The following SPATS2 variants were observed in gnomAD, a reference collection of about 807,000 sequenced individuals.
SPATS2 encodes the protein spermatogenesis associated serine rich 2, also known as spermatogenesis-associated serine-rich protein 2.
In SPATS2, 38 loss-of-function variants were observed where a neutral mutation model predicts 63.7. The observed-to-expected ratio is 0.60, with a 90% confidence interval of 0.46 to 0.78. The LOEUF (loss-of-function observed/expected upper bound fraction) is 0.78. Ranked by LOEUF, SPATS2 falls within the 30% of genes least tolerant of loss-of-function variation. The pLI, the probability that SPATS2 is intolerant of heterozygous loss-of-function variation, is 0.00. For synonymous variants in SPATS2, 207 were observed against 232.9 expected, an observed-to-expected ratio of 0.89 and a Z score of 1.01; for missense variants, 588 against 666.2, an observed-to-expected ratio of 0.88 and a Z score of 1.29.
chr12:49,438,234 C>T (rs11169015), intron 2 of SPATS2, among the ~76,000 whole-genome samples: 44,895 of 152,054 alleles, frequency 0.3, 8,977 homozygotes, highest in African/African-American at 0.57. Flanking sequence ...GGTCTGACTT[C>T]TTTGTTTAAC....
chr12:49,411,218 ATTG>A (rs745692810), intron 2 of SPATS2, among the ~76,000 whole-genome samples: 6 of 152,128 alleles, frequency 3.9e-5, no homozygotes, highest in Non-Finnish European at 8.8e-5. Context: ...AGAAAAGTTT[ATTG>A]TTGTTAGCAT....
intron 8 of SPATS2, among the ~76,000 whole-genome samples, chr12:49,498,452 A>C (rs1449082611): frequency 9.2e-5 from 14 of 152,134 alleles, no homozygotes; most frequent in Admixed American, 9.2e-4. Flanking sequence ...TTTGAAGTGT[A>C]CTATACAGAC....
intron 2 of SPATS2, among the ~76,000 whole-genome samples, chr12:49,377,444 A>G (rs1294330782): frequency 1.3e-5 from 2 of 152,206 alleles, no homozygotes; most frequent in Non-Finnish European, 2.9e-5. Context: ...GTTACCTGAA[A>G]TCTTAACATT....
At chr12:49,499,987 G>A (rs2137944003) in intron 8 of SPATS2, 83 bp from the exon 9 acceptor site, 1 of 1,075,824 alleles carries the variant, frequency 9.3e-7, no homozygotes, top group South Asian at 3.6e-5. Context: ...ATGACATTTG[G>A]CTTTGGTGTT....
chr12:49,424,207 C>G (rs1232960338), intron 2 of SPATS2, among the ~76,000 whole-genome samples: 1 of 151,824 alleles, frequency 6.6e-6, no homozygotes, highest in Non-Finnish European at 1.5e-5. Flanking sequence ...TGTCTCAAAA[C>G]AAACAAACAA....
upstream of SPATS2, chr12:49,367,345 G>T: frequency 2.6e-6 from 1 of 390,748 alleles, no homozygotes; most frequent in East Asian, 3.6e-5. Context: ...GCGAGGGTCG[G>T]GGTGATCTGC....
At chr12:49,428,629 A>G (rs1277639757) in intron 2 of SPATS2, among the ~76,000 whole-genome samples, 5 of 152,236 alleles carry the variant, frequency 3.3e-5, no homozygotes, top group Non-Finnish European at 7.3e-5. Flanking sequence ...AAGTCTGAAT[A>G]ATATTCCATC....
intron 2 of SPATS2, among the ~76,000 whole-genome samples, chr12:49,422,202 T>C (rs547479731): frequency 1.6e-4 from 25 of 152,334 alleles, no homozygotes; most frequent in African/African-American, 5.5e-4. Flanking sequence ...TGTAGTTTCA[T>C]GGAGCTAGGT....
At chr12:49,514,251 T>C (rs1946802841) in intron 9 of SPATS2, among the ~76,000 whole-genome samples, 1 of 152,248 alleles carries the variant, frequency 6.6e-6, no homozygotes. Context: ...AAATGTGTTT[T>C]GTAGCTTGCT....
intron 2 of SPATS2, among the ~76,000 whole-genome samples, chr12:49,410,221 G>C (rs562068385): frequency 6.6e-5 from 10 of 152,074 alleles, no homozygotes; most frequent in Admixed American, 6.5e-4. Context: ...GATTATAGGT[G>C]TGTGCCACCA....
intron 2 of SPATS2, among the ~76,000 whole-genome samples, chr12:49,412,971 G>A (rs1316357595): frequency 6.6e-6 from 1 of 152,052 alleles, no homozygotes; most frequent in African/African-American, 2.4e-5. Context: ...TAAGCATAAA[G>A]CTAGTATTTG....
intron 2 of SPATS2, among the ~76,000 whole-genome samples, chr12:49,419,585 CT>C (rs1230344633): frequency 1.3e-5 from 2 of 152,256 alleles, no homozygotes; most frequent in Non-Finnish European, 2.9e-5. Flanking sequence ...TTGATATACC[CT>C]TTCCTTTCTG....
chr12:49,407,982 A>T (rs1944725361), intron 2 of SPATS2, among the ~76,000 whole-genome samples: 1 of 152,232 alleles, frequency 6.6e-6, no homozygotes. Context: ...CTCCTTGGCT[A>T]GCACAGTGTT....
At chr12:49,405,900 T>G (rs944138523) in intron 2 of SPATS2, among the ~76,000 whole-genome samples, 5 of 152,246 alleles carry the variant, frequency 3.3e-5, no homozygotes. Flanking sequence ...ATTTACTCTT[T>G]TGCATACAGT....
In SPATS2 at chr12:49,526,196, A is replaced by G. The variant is rs1947032172; in HGVS notation, c.1579A>G (p.Lys527Glu). Reference protein sequence around the residue: ...MEPSPPTPSFKKGLPQRKPRT... With the variant: ...MEPSPPTPSFEKGLPQRKPRT... Reference sequence around the variant, plus strand: ...GCCCAGCCCTCCCACGCCTTCATTCAAAAAGGGGCTCCCCCAGCGCAAACC... The same window carrying G: ...GCCCAGCCCTCCCACGCCTTCATTCGAAAAGGGGCTCCCCCAGCGCAAACC... The change falls in exon 14 of 14, where the codon AAA becomes GAA. Residue 527 changes from lysine (K) to glutamate (E), a missense_variant. Coordinates refer to ENST00000552918, the MANE Select transcript of SPATS2 (RefSeq NM_023071.4). The G allele has an allele frequency of 6.2e-7, 1 of 1,614,082 alleles. No individual in the cohort carries two copies. The highest frequency in any genetic ancestry group is 1.1e-5 in the South Asian group (1 of 91,084).
In SPATS2 at chr12:49,526,246, G is replaced by A; in HGVS notation, c.1629G>A (p.Val543=). 1 of 1,605,104 alleles carries A rather than the reference G, an allele frequency of 6.2e-7. No individual in the cohort carries two copies. The highest frequency in any genetic ancestry group is 8.5e-7 in the Non-Finnish European group (1 of 1,175,704). The change falls in exon 14 of 14, where the codon GTG becomes GTA. Residue 543 remains valine (V), a synonymous_variant. Coordinates refer to ENST00000552918, the MANE Select transcript of SPATS2 (RefSeq NM_023071.4). ...CCAGGACCTCTCAGACTGAAGCCGT[G>A]AACTCTTGAGAGAAAATCCAGTTGG... is the stretch of plus-strand genomic sequence containing the variant. ...RKPRTSQTEA[V]NS is the part of the protein sequence containing the mutation.
intron 2 of SPATS2, among the ~76,000 whole-genome samples, chr12:49,382,090 C>G (rs954159292): frequency 2.0e-5 from 3 of 152,230 alleles, no homozygotes; most frequent in Non-Finnish European, 4.4e-5. Context: ...ACTCTCCTGT[C>G]TCTTGCGATG....
At chr12:49,494,701 C>A in intron 6 of SPATS2, 40 bp from the exon 7 acceptor site, 1 of 1,469,350 alleles carries the variant, frequency 6.8e-7, no homozygotes, top group Non-Finnish European at 9.0e-7. Context: ...GGAATCTTTT[C>A]TTTCTTTTCT....
At chr12:49,425,682 T>C (rs1945062344) in intron 2 of SPATS2, among the ~76,000 whole-genome samples, 2 of 151,926 alleles carry the variant, frequency 1.3e-5, no homozygotes, top group Admixed American at 6.6e-5. Context: ...CAGGCTGGAG[T>C]GCAGTGGCAC....
Sources: gnomAD v4.1 joint callset for allele counts (sites outside exome capture counted in the v4.1 genomes callset) on GRCh38, gnomAD v4.1.1 for gene constraint, MANE v1.5 for transcripts, NCBI Gene and HGNC (gene_info 2026-07-23, HGNC 2026-07-21) for gene names.